Variants in SYT16 observed in about 807,000 individuals in gnomAD.
SYT16 encodes the protein synaptotagmin-16.
SYT16 carries 42 observed loss-of-function variants against 61.4 expected under a neutral mutation model. The observed-to-expected ratio is 0.68, with a 90% CI of 0.53 to 0.89. The LOEUF is 0.89. Among genes scored for constraint, SYT16 ranks in the 40% least tolerant of loss-of-function variants. The pLI, the probability that SYT16 is intolerant of heterozygous loss-of-function variation, is 0.00. For missense variants in SYT16, 804 were observed against 807.3 expected, an observed-to-expected ratio of 1.00 and a Z score of 0.05; for synonymous variants, 314 against 302.3, an observed-to-expected ratio of 1.04 and a Z score of -0.40.
At chr14:61,928,042 A>T (rs2049604978) in intron 1 of SYT16, among the ~76,000 whole-genome samples, 1 of 152,208 alleles carries the variant, frequency 6.6e-6, no homozygotes, top group African/African-American at 2.4e-5. Context: ...GTTTACTTTG[A>T]AAATAGTACA....
chr14:61,870,300 T>A (rs2047290655), intron 1 of SYT16, among the ~76,000 whole-genome samples: 1 of 152,244 alleles, frequency 6.6e-6, no homozygotes, highest in South Asian at 2.1e-4. Flanking sequence ...CACTGTCTTC[T>A]GACTTGCATT....
rs756145855 is a variant in SYT16, at chr14:62,084,392, G to T, written c.1624+7G>T. ...GCTGTTAACCGAGCACCTGGTAAGT[G>T]TGAGTCTGTTCTCCCAGCTCTGGTT... On this transcript the variant is annotated splice_region_variant and intron_variant, in intron 7 of 7. Transcript: ENST00000683842. The T allele has an allele frequency of 7.5e-6, 12 of 1,609,450 alleles. No homozygotes were observed. The East Asian group carries it at 2.7e-4, about 36-fold the overall frequency.
intron 1 of SYT16, among the ~76,000 whole-genome samples, chr14:61,837,501 G>A (rs1214547471): frequency 6.6e-6 from 1 of 152,126 alleles, no homozygotes; most frequent in Non-Finnish European, 1.5e-5. Flanking sequence ...AGCCTCCCGA[G>A]TAGCTGTGAT....
rs1425689812 is a variant in SYT16 at position 62,104,451 on chromosome 14, A to G, written c.*3744A>G. 2 of 152,204 alleles carry G rather than the reference A, an allele frequency of 1.3e-5. No individual in the cohort carries two copies. The highest frequency in any genetic ancestry group is 2.9e-5 in the Non-Finnish European group (2 of 68,020). The allele number at this position is 152,204 out of a possible 1,614,324, so 9.4% of individuals were successfully genotyped here. On this transcript the variant is annotated 3_prime_UTR_variant, in exon 8 of 8. Coordinates refer to ENST00000683842, the MANE Select transcript of SYT16 (RefSeq NM_001367656.1). ...AGTATTTTTGTCTTAAAAATTATTC[A>G]TTTGGGCAAAGTCATTTACAACAAA...
intron 3 of SYT16, among the ~76,000 whole-genome samples, chr14:62,043,638 A>G (rs571735547): frequency 2.6e-5 from 4 of 152,052 alleles, no homozygotes; most frequent in Admixed American, 2.6e-4. Flanking sequence ...TGATCTCTTG[A>G]CTTCGTGATC....
intron 1 of SYT16, among the ~76,000 whole-genome samples, chr14:61,870,528 CT>C (rs1435293811): frequency 1.3e-5 from 2 of 151,920 alleles, no homozygotes; most frequent in African/African-American, 4.8e-5. Flanking sequence ...TATTGGTAAA[CT>C]TTTTTGGCCA....
chr14:61,845,157 C>T (rs1335967463), intron 1 of SYT16, among the ~76,000 whole-genome samples: 1 of 147,492 alleles, frequency 6.8e-6, no homozygotes, highest in Admixed American at 7.0e-5. Flanking sequence ...AAGTGATTCT[C>T]TGGCCTCAGG....
intron 3 of SYT16, among the ~76,000 whole-genome samples, chr14:62,032,948 A>G (rs1431946359): frequency 2.0e-5 from 3 of 152,042 alleles, no homozygotes; most frequent in Non-Finnish European, 2.9e-5. Context: ...TTTTAGAAAT[A>G]TAGCAACTGT....
In SYT16 at chr14:62,106,689, G is replaced by A. The variant is rs1297376583; in HGVS notation, c.*5982G>A. 1 of 152,066 alleles carries A rather than the reference G, an allele frequency of 6.6e-6. No individual in the cohort carries two copies. Among genetic ancestry groups the A allele is most frequent in the East Asian group, 1.9e-4 (1 of 5,192 alleles). The allele number at this position is 152,066 out of a possible 1,614,324, so 9.4% of individuals were successfully genotyped here. A position where few individuals can be genotyped will look rare whatever the true frequency, so the allele number is the denominator to read the frequency against. ...GAGTTCCTATTTGGGTTTTGTTTAG[G>A]GCTTTGGGGATGCCTGCAGGCTCAG... is the stretch of plus-strand genomic sequence containing the variant. On this transcript the variant is annotated 3_prime_UTR_variant, in exon 8 of 8. Transcript: ENST00000683842.
rs115364919 is a variant in SYT16 at position 61,961,500 on chromosome 14, C to G, written c.-324-8632C>G. 5.0e-3 allele frequency among the ~76,000 whole-genome samples: 753 copies of G among 152,116 alleles called. 7 individuals carry two copies. The highest frequency in any genetic ancestry group is 0.017 in the African/African-American group (720 of 41,540). ...TTTCAAAAGACATACACGTGGCCAACAAGTAAGTGAAAAAATGCTCAATGT... is the reference window on the plus strand; with the variant it reads ...TTTCAAAAGACATACACGTGGCCAAGAAGTAAGTGAAAAAATGCTCAATGT... On this transcript the variant is annotated intron_variant, in intron 1 of 7. Coordinates refer to ENST00000683842, the MANE Select transcript of SYT16 (RefSeq NM_001367656.1).
chr14:62,039,875 A>ACACACG (rs1390417627), intron 3 of SYT16, among the ~76,000 whole-genome samples: 15 of 105,484 alleles, frequency 1.4e-4, no homozygotes, highest in Admixed American at 7.8e-4. Context: ...ACACACACAC[A>ACACACG]CACGCACATA....
intron 1 of SYT16, among the ~76,000 whole-genome samples, chr14:61,968,378 T>TG (rs1025445172): frequency 4.6e-5 from 7 of 152,086 alleles, no homozygotes; most frequent in African/African-American, 1.7e-4. Context: ...TTTTAAAGGA[T>TG]GGGAGACACC....
chr14:61,973,446 C>T (rs1425889788), intron 2 of SYT16, among the ~76,000 whole-genome samples: 1 of 152,062 alleles, frequency 6.6e-6, no homozygotes, highest in East Asian at 1.9e-4. Context: ...TATTTGATTT[C>T]TTTATGTAAT....
intron 1 of SYT16, chr14:61,865,088 A>T (rs1295607944): frequency 1.9e-5 from 26 of 1,360,308 alleles, no homozygotes; most frequent in Non-Finnish European, 2.6e-5. Flanking sequence ...GAAATGGCCC[A>T]CTGTGACTCA....
At chr14:61,899,609 C>T (rs1181679026) in intron 1 of SYT16, among the ~76,000 whole-genome samples, 6 of 152,116 alleles carry the variant, frequency 3.9e-5, no homozygotes, top group East Asian at 1.9e-4. Flanking sequence ...GCTTTGCAAC[C>T]GTGCTCATAG....
intron 1 of SYT16, among the ~76,000 whole-genome samples, chr14:61,898,097 C>T (rs999956845): frequency 2.0e-5 from 3 of 152,202 alleles, no homozygotes; most frequent in Non-Finnish European, 2.9e-5. Flanking sequence ...GTTACCCCCA[C>T]AGGAGTTGTC....
intron 2 of SYT16, among the ~76,000 whole-genome samples, chr14:61,989,103 A>G (rs999680146): frequency 1.3e-5 from 2 of 152,198 alleles, no homozygotes; most frequent in East Asian, 1.9e-4. Context: ...AAAGCATTAT[A>G]TACTATATAG....
intron 1 of SYT16, among the ~76,000 whole-genome samples, chr14:61,954,928 G>A (rs1272950719): frequency 6.6e-6 from 1 of 151,920 alleles, no homozygotes; most frequent in Non-Finnish European, 1.5e-5. Context: ...AAAATCTAAG[G>A]AAATTATGAT....
At chr14:62,079,263 C>CA (rs761941106) in intron 5 of SYT16, 1 of 695,446 alleles carries the variant, frequency 1.4e-6, no homozygotes, top group Non-Finnish European at 1.9e-6. Flanking sequence ...TAGAAACACT[C>CA]ACGCATGATT....
Sources: allele counts gnomAD v4.1 joint callset (sites outside exome capture counted in the v4.1 genomes callset), GRCh38; gene constraint gnomAD v4.1.1; transcripts MANE v1.5; gene names NCBI Gene and HGNC (gene_info 2026-07-23, HGNC 2026-07-21).